Variants in ZBTB17 observed in about 807,000 individuals in gnomAD.
ZBTB17 encodes the protein zinc finger and BTB domain-containing protein 17.
Under a neutral mutation model 85.1 loss-of-function variants are expected in ZBTB17, and 24 were observed. The observed-to-expected ratio is 0.28, with a 90% CI of 0.20 to 0.40. The LOEUF is 0.40. Among genes scored for constraint, ZBTB17 ranks in the 10% least tolerant of loss-of-function variants. ZBTB17 has a pLI of 1.00. For synonymous variants in ZBTB17, 464 were observed against 460.2 expected, an observed-to-expected ratio of 1.01 and a Z score of -0.11; for missense variants, 743 against 1,105.1, an observed-to-expected ratio of 0.67 and a Z score of 4.65.
chr1:15,949,597 C>T (rs765820477), intron 2 of ZBTB17, among the ~76,000 whole-genome samples: 5 of 152,256 alleles, frequency 3.3e-5, no homozygotes, highest in Admixed American at 1.3e-4. Context: ...GCTGGCTCCC[C>T]GGCTTCTGGG....
At position 15,973,954 on chromosome 1, in the gene ZBTB17, C is replaced by A. The variant is rs2072764029; in HGVS notation, c.-89-829G>T. ...CCTATAATCCCAGTACTTTGGGAGG[C>A]TGAGGCGGGAGGATCATTTGAGGCC... On this transcript the variant is annotated intron_variant, in intron 1 of 15. Transcript: ENST00000375743. This position sits in a 1 kb window ranked among gnomAD's most constrained non-coding sequence, Gnocchi z 4.1. 6.6e-6 allele frequency among the ~76,000 whole-genome samples: 1 copy of A among 152,132 alleles called. No individual in the cohort carries two copies. Among genetic ancestry groups the A allele is most frequent in the Admixed American group, 6.5e-5 (1 of 15,274 alleles).
At chr1:15,962,893 A>G (rs868684838) in intron 2 of ZBTB17, among the ~76,000 whole-genome samples, 1 of 152,136 alleles carries the variant, frequency 6.6e-6, no homozygotes, top group African/African-American at 2.4e-5. Flanking sequence ...GTGAGCTTTG[A>G]TTGCACCTAT....
Position 15,952,891 on chromosome 1 carries a change from C to G in ZBTB17, c.-2-4394G>C, listed in dbSNP as rs926619. ...AGCGACTGCCTGTCCACCCATCCAACTAAGAAAGACTGACTCACCGATGAC... is the reference window on the plus strand; with the variant it reads ...AGCGACTGCCTGTCCACCCATCCAAGTAAGAAAGACTGACTCACCGATGAC... On this transcript the variant is annotated intron_variant, in intron 2 of 15. Coordinates refer to ENST00000375743, the MANE Select transcript of ZBTB17 (RefSeq NM_003443.3). The surrounding 1 kb of genome is among the most constrained non-coding windows in gnomAD (Gnocchi z 4.3). 0.071 allele frequency: 10,784 copies of G among 152,390 alleles called. 441 individuals carry two copies. The highest frequency in any genetic ancestry group is 0.082 in the Non-Finnish European group (5,597 of 68,100). 9.4% of individuals were successfully genotyped at this position (152,390 alleles called of 1,614,324 possible).
chr1:15,942,196 C>T lies in ZBTB17; in HGVS notation c.2185G>A (p.Ala729Thr). ...CGCACATGCTGAGCCAGGCTGTTGG[C>T]ATCCAGAAACTTGTCCCCACAGGAG... ...CDSCGDKFLD[A>T]NSLAQHVRIH... Residue 729 changes from alanine (A) to threonine (T), a missense_variant, in exon 16 of 16, where the codon GCC (alanine) becomes ACC (threonine). Physicochemically the swap from Ala to Thr is moderately conservative, Grantham distance 58. This residue lies in a region of ZBTB17 where 321 missense variants were observed against 615.7 expected (regional missense o/e 0.52). Coordinates refer to ENST00000375743, the MANE Select transcript of ZBTB17 (RefSeq NM_003443.3). 1 of 1,613,816 alleles carries T rather than the reference C, an allele frequency of 6.2e-7. No individual in the cohort carries two copies. Among genetic ancestry groups the T allele is most frequent in the Non-Finnish European group, 8.5e-7 (1 of 1,180,040 alleles).
intron 2 of ZBTB17, among the ~76,000 whole-genome samples, chr1:15,969,401 T>A (rs2148813690): frequency 6.6e-6 from 1 of 151,808 alleles, no homozygotes; most frequent in South Asian, 2.1e-4. Flanking sequence ...CCCCCACCCC[T>A]CAGCCCCCTT....
chr1:15,947,081 C>T lies in ZBTB17; in HGVS notation c.248G>A (p.Ser83Asn). ...ATCATCCACGTTCTCAGGGCTCAGG[C>T]TCAGCTTGGCCGTGTACATAAACTC... ...VLEFMYTAKL[S>N]LSPENVDDVL... Residue 83 changes from serine (S) to asparagine (N), a missense_variant, in exon 4 of 16, where the codon AGC becomes AAC. By Grantham distance (46) the Ser-to-Asn change is conservative. Coordinates refer to ENST00000375743, the MANE Select transcript of ZBTB17 (RefSeq NM_003443.3). The T allele has an allele frequency of 6.2e-7, 1 of 1,613,988 alleles. No individual in the cohort carries two copies. The highest frequency in any genetic ancestry group is 8.5e-7 in the Non-Finnish European group (1 of 1,179,940).
At chr1:15,961,998 G>C (rs1023426118) in intron 2 of ZBTB17, among the ~76,000 whole-genome samples, 1 of 152,128 alleles carries the variant, frequency 6.6e-6, no homozygotes, top group Non-Finnish European at 1.5e-5. Flanking sequence ...AAGTTCAGGA[G>C]TTGGAGACCA....
At chr1:15,949,523 C>G (rs558193015) in intron 2 of ZBTB17, among the ~76,000 whole-genome samples, 1 of 152,378 alleles carries the variant, frequency 6.6e-6, no homozygotes, top group South Asian at 2.1e-4. Flanking sequence ...GGCCCAGGAT[C>G]TGCTAAGGGG....
Position 15,945,817 on chromosome 1 carries a change from C to T in ZBTB17, c.559G>A (p.Asp187Asn), listed in dbSNP as rs1354603533. Reference protein sequence around the residue: ...ASGAEQTEKADAPREPPPVEL... With the variant: ...ASGAEQTEKANAPREPPPVEL... ...ACAGGCGGCGGCTCCCGGGGCGCAT[C>T]GGCTTTCTCTGTCTGCTCTGCACCT... The change falls in exon 6 of 16, where the codon GAT (aspartate) becomes AAT (asparagine). Residue 187 changes from aspartate (D) to asparagine (N), a missense_variant. Transcript: ENST00000375743. The T allele has an allele frequency of 5.0e-6, 8 of 1,600,874 alleles. 1 individual carries two copies. Among genetic ancestry groups the T allele is most frequent in the South Asian group, 2.2e-5 (2 of 90,662 alleles).
At chr1:15,947,490 G>A (rs2071656788) in intron 3 of ZBTB17, among the ~76,000 whole-genome samples, 2 of 152,192 alleles carry the variant, frequency 1.3e-5, no homozygotes, top group Non-Finnish European at 2.9e-5. Context: ...CATGCATGGA[G>A]AAAAGGAGGT....
chr1:15,967,074 C>T (rs1246474758), intron 2 of ZBTB17, among the ~76,000 whole-genome samples: 1 of 151,938 alleles, frequency 6.6e-6, no homozygotes, highest in Non-Finnish European at 1.5e-5. Flanking sequence ...ATGTCAAACC[C>T]AACAATGGGT....
intron 2 of ZBTB17, among the ~76,000 whole-genome samples, chr1:15,959,275 C>T (rs1225193049): frequency 6.6e-6 from 1 of 152,114 alleles, no homozygotes; most frequent in Non-Finnish European, 1.5e-5. Context: ...AGAATGTACA[C>T]ATTTTACTTA....
Position 15,942,077 on chromosome 1 carries a change from C to T in ZBTB17, c.2304G>A (p.Val768=). The T allele has an allele frequency of 6.2e-7, 1 of 1,613,106 alleles. No individual in the cohort carries two copies. The highest frequency in any genetic ancestry group is 8.5e-7 in the Non-Finnish European group (1 of 1,180,032). The change falls in exon 16 of 16, where the codon GTG becomes GTA. Residue 768 remains valine, a synonymous_variant. Coordinates refer to ENST00000375743, the MANE Select transcript of ZBTB17 (RefSeq NM_003443.3). ...GPGGTWPAGQ[V]LQAGELVFRP... ...GGAAGACCAGCTCCCCAGCCTGCAG[C>T]ACCTGCCCGGCAGGCCACGTGCCAC...
rs771668938 is a variant in ZBTB17 at position 15,943,595 on chromosome 1, C to G, written c.1576+4G>C. The G allele has an allele frequency of 6.2e-7, 1 of 1,612,956 alleles. No individual in the cohort carries two copies. The highest frequency in any genetic ancestry group is 1.7e-4 in the Middle Eastern group (1 of 6,058). ...AGTCCTGGGCATGGCCGCTCACCAC[C>G]CACCTGTGTGAATGCGGACGTGCCG... On this transcript the variant is annotated splice_donor_region_variant and intron_variant, in intron 11 of 15. Transcript: ENST00000375743.
In ZBTB17 at chr1:15,952,055, C is replaced by T. The variant is rs971380736; in HGVS notation, c.-2-3558G>A. 7.2e-5 allele frequency among the ~76,000 whole-genome samples: 11 copies of T among 152,074 alleles called. No homozygotes were observed. Among genetic ancestry groups the T allele is most frequent in the African/African-American group, 2.7e-4 (11 of 41,376 alleles). On this transcript the variant is annotated intron_variant, in intron 2 of 15. Coordinates refer to ENST00000375743, the MANE Select transcript of ZBTB17 (RefSeq NM_003443.3). The surrounding 1 kb of genome is among the most constrained non-coding windows in gnomAD (Gnocchi z 4.3). ...TCTTGTCTTCACCTTGCGTGATGGG[C>T]GATAAATATGTGCACTAGTTAAAGC... is the stretch of plus-strand genomic sequence containing the variant.
Position 15,944,362 on chromosome 1 carries a change from G to C in ZBTB17, c.1309C>G (p.Leu437Val). Residue 437 changes from leucine (L) to valine (V), a missense_variant, in exon 9 of 16, where the codon CTG (leucine) becomes GTG (valine). Coordinates refer to ENST00000375743, the MANE Select transcript of ZBTB17 (RefSeq NM_003443.3). ...TCCTTGTCCGTGTCGTGGGTCTCCA[G>C]GTGGCGCATCTTGGAAGTGGGGTCG... is the stretch of plus-strand genomic sequence containing the variant. The part of the protein sequence containing the change: ...FSDPTSKMRH[L>V]ETHDTDKEHK... 6.4e-7 allele frequency: 1 copy of C among 1,558,954 alleles called. No individual in the cohort carries two copies. The highest frequency in any genetic ancestry group is 8.7e-7 in the Non-Finnish European group (1 of 1,151,578).
Position 15,942,683 on chromosome 1 carries a change from G to C in ZBTB17, c.1884C>G (p.Asn628Lys). ...GCACGGTCTTCACGTGGGAGCGCAG[G>C]TTGTCTACCCGGTTGAAGCCACGCC... Reference protein sequence around the residue: ...KCGRGFNRVDNLRSHVKTVHQ... With the variant: ...KCGRGFNRVDKLRSHVKTVHQ... Residue 628 changes from asparagine to lysine, a missense_variant, in exon 14 of 16, where the codon AAC becomes AAG. This residue lies in a region of ZBTB17 where 321 missense variants were observed against 615.7 expected (regional missense o/e 0.52). Transcript: ENST00000375743. The C allele has an allele frequency of 1.2e-6, 2 of 1,613,692 alleles. No homozygotes were observed. Among genetic ancestry groups the C allele is most frequent in the Non-Finnish European group, 1.7e-6 (2 of 1,180,030 alleles).
At chr1:15,945,575 G>A (rs1294339122) in intron 6 of ZBTB17, 140 bp downstream of exon 6, 3 of 1,239,032 alleles carry the variant, frequency 2.4e-6, no homozygotes, top group African/African-American at 1.5e-5. Context: ...GAAGACCAAG[G>A]TGTCCCAAAG....
chr1:15,948,703 T>C (rs2071712781), intron 2 of ZBTB17, among the ~76,000 whole-genome samples: 1 of 152,182 alleles, frequency 6.6e-6, no homozygotes. Flanking sequence ...TTCCTGGGTT[T>C]ACTGTCCAGG....
Sources: gnomAD v4.1 joint callset for allele counts (sites outside exome capture counted in the v4.1 genomes callset) on GRCh38, gnomAD v4.1.1 for gene constraint, gnomAD v4.1.1 regional missense constraint, Gnocchi (gnomAD v3.1) non-coding constraint, MANE v1.5 for transcripts, NCBI Gene and HGNC (gene_info 2026-07-23, HGNC 2026-07-21) for gene names.